Variants in HDAC4 observed in about 807,000 individuals in gnomAD.
HDAC4 encodes the protein histone deacetylase A.
A neutral mutation model predicts 135.1 loss-of-function variants in HDAC4; 16 were observed. The ratio of observed to expected loss-of-function variants is 0.12; its 90% CI spans 0.08 to 0.18. The LOEUF is 0.18. Among genes scored for constraint, HDAC4 ranks in the 10% least tolerant of loss-of-function variants. The pLI is 1.00. For synonymous variants in HDAC4, 685 were observed against 653.4 expected (o/e 1.05, Z -0.74); for missense variants, 1,143 against 1,511.8 (o/e 0.76, Z 4.05).
intron 3 of HDAC4, among the ~76,000 whole-genome samples, chr2:239,215,365 GA>G (rs2046575589): frequency 6.6e-6 from 1 of 152,184 alleles, no homozygotes; most frequent in Admixed American, 6.5e-5. Flanking sequence ...CTGGTGACAC[GA>G]AACCAGGGGC....
chr2:239,379,664 A>T (rs1160854678), intron 1 of HDAC4, among the ~76,000 whole-genome samples: 1 of 152,102 alleles, frequency 6.6e-6, no homozygotes, highest in African/African-American at 2.4e-5. Context: ...CTATCTTCAG[A>T]GCCAGCCTGG....
At position 239,109,549 on chromosome 2, in the gene HDAC4, C is replaced by A. The variant is rs74583466; in HGVS notation, c.1979-1366G>T. 5.8e-3 allele frequency among the ~76,000 whole-genome samples: 884 copies of A among 152,044 alleles called. 11 individuals are homozygous for A. Among genetic ancestry groups the A allele is most frequent in the Non-Finnish European group, 6.4e-3 (437 of 67,988 alleles). On this transcript the variant is annotated intron_variant, in intron 14 of 26. Transcript: ENST00000543185. ...GAGTCAGGCTAACAGGAGTCAGTCT[C>A]CTGCACTTGAGGAATTCTGGAGGTA...
intron 17 of HDAC4, among the ~76,000 whole-genome samples, chr2:239,093,645 G>C (rs1279468825): frequency 6.6e-6 from 1 of 152,222 alleles, no homozygotes; most frequent in African/African-American, 2.4e-5. Flanking sequence ...TCCACGTGGG[G>C]AGCTTTTCCA....
chr2:239,090,431 CTTT>C lies in HDAC4; in HGVS notation c.2281-318_2281-316del, dbSNP rs76486832. Among the ~76,000 whole-genome samples the C allele has an allele frequency of 5.3e-3, 699 of 132,560 alleles. 7 individuals are homozygous for C. Among genetic ancestry groups the C allele is most frequent in the African/African-American group, 0.015 (548 of 35,640 alleles). 87.0% of individuals were successfully genotyped at this position (132,560 alleles called of 152,430 possible). On this transcript the variant is annotated intron_variant, in intron 17 of 26. Coordinates refer to ENST00000543185, the MANE Select transcript of HDAC4 (RefSeq NM_001378414.1). ...TAATGATGTCAAGGTGATCTATTTC[CTTT>C]TTTTTTTTTTTTTTTTTAACTGGAA...
chr2:239,135,311 C>T (rs2040873987), intron 9 of HDAC4, among the ~76,000 whole-genome samples: 1 of 152,138 alleles, frequency 6.6e-6, no homozygotes, highest in African/African-American at 2.4e-5. Flanking sequence ...GCAATGATGA[C>T]AATACTGGCC....
Position 239,190,097 on chromosome 2 carries a change from G to A in HDAC4, c.95-20C>T, listed in dbSNP as rs1266912808. On this transcript the variant is annotated intron_variant, in intron 3 of 26. Transcript: ENST00000543185. ...CATCCACTGTGGGAAAAACAAGCAG[G>A]AGAGCCGGTCACTGCCGCCCTTTGC... is the stretch of plus-strand genomic sequence containing the variant. 1.3e-6 allele frequency: 2 copies of A among 1,595,620 alleles called. No homozygotes were observed. Among genetic ancestry groups the A allele is most frequent in the Non-Finnish European group, 1.7e-6 (2 of 1,177,916 alleles).
chr2:239,162,656 G>C (rs569787968), intron 6 of HDAC4, among the ~76,000 whole-genome samples: 26 of 152,230 alleles, frequency 1.7e-4, no homozygotes, highest in Admixed American at 1.4e-3. Flanking sequence ...ACTCCTCCTT[G>C]CAAGTTTGTG....
chr2:239,386,969 A>G (rs1440435514), intron 1 of HDAC4, among the ~76,000 whole-genome samples: 1 of 152,232 alleles, frequency 6.6e-6, no homozygotes, highest in Admixed American at 6.5e-5. Context: ...GTTCACCAGG[A>G]ATCACGCCAG....
chr2:239,185,372 T>C (rs2044478820), intron 4 of HDAC4, among the ~76,000 whole-genome samples: 1 of 149,290 alleles, frequency 6.7e-6, no homozygotes, highest in African/African-American at 2.5e-5. Flanking sequence ...GGGAGACATG[T>C]GCCCTGCAGG....
chr2:239,378,024 G>A lies in HDAC4; in HGVS notation c.-220+22954C>T, dbSNP rs1429911131. On this transcript the variant is annotated intron_variant, in intron 1 of 26. Coordinates refer to ENST00000543185, the MANE Select transcript of HDAC4 (RefSeq NM_001378414.1). ...ATTATGGCCATTGTCCTCCAGGGGA[G>A]ACGTCGCGTCCTGAGGCATCCCCTC... is the stretch of plus-strand genomic sequence containing the variant. 3.9e-5 allele frequency among the ~76,000 whole-genome samples: 6 copies of A among 152,314 alleles called. No homozygotes were observed. The East Asian group carries it at 1.2e-3, about 29-fold the overall frequency.
chr2:239,377,847 G>C (rs1695130878), intron 1 of HDAC4, among the ~76,000 whole-genome samples: 1 of 152,140 alleles, frequency 6.6e-6, no homozygotes, highest in Non-Finnish European at 1.5e-5. Context: ...TCACCGCGCT[G>C]AGCTCAGCTG....
rs2033780677 is a variant in HDAC4, at chr2:239,068,265, G to A, written c.2869+224C>T. On this transcript the variant is annotated intron_variant, in intron 23 of 26. Coordinates refer to ENST00000543185, the MANE Select transcript of HDAC4 (RefSeq NM_001378414.1). The surrounding 1 kb of genome is among the most constrained non-coding windows in gnomAD (Gnocchi z 4.4). ...GCCTCGTGTGCCCTAGGCCCTTCCT[G>A]GGCAAAGAGTGCCCGAGGTGCCTGG... Among the ~76,000 whole-genome samples the A allele has an allele frequency of 6.6e-6, 1 of 152,200 alleles. No homozygotes were observed. The highest frequency in any genetic ancestry group is 2.4e-5 in the African/African-American group (1 of 41,458).
At chr2:239,393,770 C>T (rs111794354) in intron 1 of HDAC4, among the ~76,000 whole-genome samples, 8 of 152,298 alleles carry the variant, frequency 5.3e-5, no homozygotes, top group African/African-American at 1.9e-4. Context: ...ACACCAAAGC[C>T]TCTTGTGGGC....
At position 239,278,173 on chromosome 2, in the gene HDAC4, A is replaced by G. The variant is rs1411932847; in HGVS notation, c.23-41509T>C. On this transcript the variant is annotated intron_variant, in intron 2 of 26. Coordinates refer to ENST00000543185, the MANE Select transcript of HDAC4 (RefSeq NM_001378414.1). ...GGTTGAGTTTTCAAATTATCCCACC[A>G]TTAGAGAAAAAAAGAAAAAAAAAAA... Among the ~76,000 whole-genome samples, 3 of 143,176 alleles carry G rather than the reference A, an allele frequency of 2.1e-5. No homozygotes were observed. In the East Asian group the frequency reaches 5.9e-4, roughly 28 times the overall value. The allele number at this position is 143,176 out of a possible 152,430, so 93.9% of individuals were successfully genotyped here. A position where few individuals can be genotyped will look rare whatever the true frequency, so the allele number is the denominator to read the frequency against.
intron 2 of HDAC4, among the ~76,000 whole-genome samples, chr2:239,254,270 T>A (rs1006745845): frequency 3.3e-5 from 5 of 152,152 alleles, no homozygotes; most frequent in African/African-American, 9.7e-5. Flanking sequence ...AGTCCCCTGC[T>A]GAAGAGTTTA....
intron 22 of HDAC4, among the ~76,000 whole-genome samples, chr2:239,070,771 C>T (rs539532261): frequency 2.6e-4 from 40 of 152,164 alleles, no homozygotes; most frequent in Non-Finnish European, 4.7e-4. Context: ...TCAAAAAGTT[C>T]GTGGAAAAAT....
At chr2:239,224,555 G>A (rs2047138999) in intron 3 of HDAC4, among the ~76,000 whole-genome samples, 2 of 152,188 alleles carry the variant, frequency 1.3e-5, no homozygotes, top group African/African-American at 2.4e-5. Flanking sequence ...ACCAGCGGGT[G>A]TAAAATCGCA....
intron 6 of HDAC4, chr2:239,162,200 C>T (rs549910595): frequency 5.5e-5 from 25 of 456,746 alleles, no homozygotes; most frequent in African/African-American, 1.2e-4. Context: ...AAGGGCTGCC[C>T]GTGCTTGCCC....
At chr2:239,110,274 T>C (rs2038552314) in intron 14 of HDAC4, among the ~76,000 whole-genome samples, 2 of 152,250 alleles carry the variant, frequency 1.3e-5, no homozygotes, top group African/African-American at 4.8e-5. Flanking sequence ...AATGAACATG[T>C]ACTGTTTTAT....
Sources: gnomAD v4.1 joint callset for allele counts (sites outside exome capture counted in the v4.1 genomes callset) on GRCh38, gnomAD v4.1.1 for gene constraint, Gnocchi (gnomAD v3.1) non-coding constraint, MANE v1.5 for transcripts, NCBI Gene and HGNC (gene_info 2026-07-23, HGNC 2026-07-21) for gene names.